Variants in CACNA2D1 observed in about 807,000 individuals in gnomAD.
CACNA2D1 encodes the protein voltage-dependent calcium channel subunit alpha-2/delta-1.
CACNA2D1 carries 53 observed loss-of-function variants against 171.5 expected under a neutral mutation model. That is an observed-to-expected ratio of 0.31 (90% CI 0.25 to 0.39). The LOEUF (loss-of-function observed/expected upper bound fraction) is 0.39. Ranked by LOEUF, CACNA2D1 falls within the 10% of genes least tolerant of loss-of-function variation. The probability of loss-of-function intolerance (pLI) is 1.00; values close to 1 mark genes in which losing one functional copy is unlikely to be tolerated. For synonymous variants in CACNA2D1, 442 were observed against 443.1 expected (o/e 1.00, Z 0.03); for missense variants, 903 against 1,299.8 (o/e 0.69, Z 4.69).
chr7:81,963,560 A>C (rs1391257865), intron 34 of CACNA2D1, among the ~76,000 whole-genome samples: 2 of 151,972 alleles, frequency 1.3e-5, no homozygotes, highest in African/African-American at 4.8e-5. Context: ...AGCATCAGTG[A>C]AAAGAAATAA....
At chr7:82,148,491 G>T in intron 4 of CACNA2D1, among the ~76,000 whole-genome samples, 1 of 152,260 alleles carries the variant, frequency 6.6e-6, no homozygotes, top group African/African-American at 2.4e-5. Flanking sequence ...CAAAGGAGGT[G>T]TGTTTGGGAG....
In CACNA2D1 at chr7:81,952,981, C is replaced by T. The variant is rs1238060304; in HGVS notation, c.3160-2473G>A. On this transcript the variant is annotated intron_variant, in intron 38 of 38. Transcript: ENST00000356860. ...ATAGCATGGCATGATCTTGACCTCC[C>T]TGGGCTCAGGTGGTCCTCCCACCTC... Among the ~76,000 whole-genome samples, 17 of 152,116 alleles carry T rather than the reference C, an allele frequency of 1.1e-4. No homozygotes were observed. The East Asian group carries it at 2.9e-3, about 26-fold the overall frequency.
intron 3 of CACNA2D1, among the ~76,000 whole-genome samples, chr7:82,286,290 T>C (rs1354195605): frequency 6.6e-6 from 1 of 152,140 alleles, no homozygotes; most frequent in Non-Finnish European, 1.5e-5. Flanking sequence ...CTTATCACTG[T>C]CCCTGTTGGT....
intron 5 of CACNA2D1, 78 bp downstream of exon 5, chr7:82,136,557 A>G (rs1361055895): frequency 2.4e-5 from 25 of 1,029,172 alleles, no homozygotes; most frequent in Non-Finnish European, 3.6e-5. Flanking sequence ...TAAAACTGCT[A>G]GCTCAATTTA....
In CACNA2D1 at chr7:82,099,430, T is replaced by C. The variant is rs1204715400; in HGVS notation, c.527-14530A>G. On this transcript the variant is annotated intron_variant, in intron 6 of 38. Coordinates refer to ENST00000356860, the MANE Select transcript of CACNA2D1 (RefSeq NM_000722.4). ...ACAGGTAGCAATACCTTCTTTTTTT[T>C]TTTTTTTTTTTTTTTTTTTTTTTTT... 9.5e-3 allele frequency among the ~76,000 whole-genome samples: 93 copies of C among 9,818 alleles called. 6 individuals are homozygous for C. Among genetic ancestry groups the C allele is most frequent in the East Asian group, 0.02 (8 of 396 alleles). 6.4% of individuals were successfully genotyped at this position (9,818 alleles called of 152,430 possible). A position where few individuals can be genotyped will look rare whatever the true frequency, so the allele number is the denominator to read the frequency against.
chr7:82,252,335 C>T (rs1446313121), intron 3 of CACNA2D1, among the ~76,000 whole-genome samples: 3 of 152,116 alleles, frequency 2.0e-5, no homozygotes, highest in Non-Finnish European at 4.4e-5. Flanking sequence ...AAGTTACTTG[C>T]CTTTCAGTAA....
chr7:82,273,890 C>T (rs1225644803), intron 3 of CACNA2D1, among the ~76,000 whole-genome samples: 2 of 152,102 alleles, frequency 1.3e-5, no homozygotes, highest in Non-Finnish European at 2.9e-5. Flanking sequence ...TAAGAATATG[C>T]TTCATTTTCT....
intron 25 of CACNA2D1, among the ~76,000 whole-genome samples, chr7:81,972,934 T>A (rs976081573): frequency 3.9e-5 from 6 of 152,014 alleles, no homozygotes; most frequent in African/African-American, 1.4e-4. Flanking sequence ...TAATTCATTC[T>A]AGACACTCTT....
rs549106826 is a variant in CACNA2D1, at chr7:82,385,534, C to T, written c.96-35885G>A. On this transcript the variant is annotated intron_variant, in intron 1 of 38. Coordinates refer to ENST00000356860, the MANE Select transcript of CACNA2D1 (RefSeq NM_000722.4). ...GGTGTGGGAACCTGTTGTTTTAATG[C>T]TAACATATTGTCTGTTTTCCAAAAC... Among the ~76,000 whole-genome samples, 20 of 152,270 alleles carry T rather than the reference C, an allele frequency of 1.3e-4. No homozygotes were observed. The East Asian group carries it at 3.1e-3, about 24-fold the overall frequency.
chr7:82,263,684 T>C (rs1807443254), intron 3 of CACNA2D1, among the ~76,000 whole-genome samples: 3 of 152,242 alleles, frequency 2.0e-5, no homozygotes, highest in African/African-American at 7.2e-5. Flanking sequence ...TATACTTTTG[T>C]TTTGTTTCGT....
chr7:82,043,110 T>C (rs1198667774), intron 10 of CACNA2D1, among the ~76,000 whole-genome samples: 1 of 152,178 alleles, frequency 6.6e-6, no homozygotes, highest in Non-Finnish European at 1.5e-5. Context: ...AAAATGTTGA[T>C]CAATAATCAA....
intron 4 of CACNA2D1, among the ~76,000 whole-genome samples, chr7:82,166,259 G>A (rs1353942870): frequency 1.3e-5 from 2 of 151,974 alleles, no homozygotes; most frequent in East Asian, 1.9e-4. Context: ...TTAGCCTGAC[G>A]GACACTCAAT....
At chr7:82,210,010 T>G (rs1291196285) in intron 3 of CACNA2D1, among the ~76,000 whole-genome samples, 1 of 152,162 alleles carries the variant, frequency 6.6e-6, no homozygotes, top group East Asian at 1.9e-4. Context: ...GAATTCTTTG[T>G]GGAGGTCAGT....
chr7:82,183,744 A>G (rs1797378758), intron 3 of CACNA2D1, among the ~76,000 whole-genome samples: 1 of 152,034 alleles, frequency 6.6e-6, no homozygotes, highest in Non-Finnish European at 1.5e-5. Flanking sequence ...GGGTTCTTTT[A>G]TTTTATGGAA....
intron 3 of CACNA2D1, among the ~76,000 whole-genome samples, chr7:82,261,679 T>C (rs1449940506): frequency 6.6e-6 from 1 of 152,140 alleles, no homozygotes; most frequent in Non-Finnish European, 1.5e-5. Context: ...AAATCTGAAA[T>C]GGATAAAAAA....
Position 82,149,794 on chromosome 7 carries a change from CA to C in CACNA2D1, c.355-13119del, listed in dbSNP as rs1198994288. On this transcript the variant is annotated intron_variant, in intron 4 of 38. Coordinates refer to ENST00000356860, the MANE Select transcript of CACNA2D1 (RefSeq NM_000722.4). Reference sequence around the variant, plus strand: ...ATACAAAAAAAAAACAAACAAACAACAAAAAAAAAAACATTAGCTGGGTGTG... The same window carrying C: ...ATACAAAAAAAAAACAAACAAACAACAAAAAAAAAACATTAGCTGGGTGTG... Among the ~76,000 whole-genome samples the C allele has an allele frequency of 5.0e-4, 67 of 132,936 alleles. 1 individual carries two copies. Among genetic ancestry groups the C allele is most frequent in the Admixed American group, 1.4e-3 (18 of 13,158 alleles). 87.2% of individuals were successfully genotyped at this position (132,936 alleles called of 152,430 possible).
chr7:81,951,750 T>G (rs1308145498), intron 38 of CACNA2D1, among the ~76,000 whole-genome samples: 1 of 152,098 alleles, frequency 6.6e-6, no homozygotes, highest in Non-Finnish European at 1.5e-5. Context: ...GATGGACATT[T>G]AGGTTGGTTC....
At chr7:82,164,129 G>C (rs1005360019) in intron 4 of CACNA2D1, among the ~76,000 whole-genome samples, 17 of 152,036 alleles carry the variant, frequency 1.1e-4, no homozygotes, top group African/African-American at 4.1e-4. Flanking sequence ...ACATGTAAAA[G>C]TGCAGTTCAA....
chr7:82,063,157 TAC>T (rs1253640506), intron 9 of CACNA2D1, among the ~76,000 whole-genome samples: 1 of 152,178 alleles, frequency 6.6e-6, no homozygotes, highest in East Asian at 1.9e-4. Flanking sequence ...AAATTTCATA[TAC>T]ACTTTCAAGT....
Sources: gnomAD v4.1 joint callset for allele counts (sites outside exome capture counted in the v4.1 genomes callset) on GRCh38, gnomAD v4.1.1 for gene constraint, MANE v1.5 for transcripts, NCBI Gene and HGNC (gene_info 2026-07-23, HGNC 2026-07-21) for gene names.